Variants in LARP4 observed in about 807,000 individuals in gnomAD.
LARP4 encodes the protein La ribonucleoprotein 4.
LARP4 carries 29 observed loss-of-function variants against 92.9 expected under a neutral mutation model. That is an observed-to-expected ratio of 0.31 (90% CI 0.23 to 0.43). The LOEUF (loss-of-function observed/expected upper bound fraction) is 0.43. Among genes scored for constraint, LARP4 ranks in the 20% least tolerant of loss-of-function variants. LARP4 has a pLI of 1.00. For synonymous variants in LARP4, 279 were observed against 284.1 expected, an observed-to-expected ratio of 0.98 and a Z score of 0.18; for missense variants, 732 against 860.0, an observed-to-expected ratio of 0.85 and a Z score of 1.86.
chr12:50,426,684 GGTGTGTGTGTGTGTGT>G (rs762987529), intron 1 of LARP4, among the ~76,000 whole-genome samples: 44 of 86,170 alleles, frequency 5.1e-4, no homozygotes, highest in Middle Eastern at 8.9e-3. Context: ...TTATGTTTGG[GGTGTGTGTGTGTGTGT>G]GTGTGTGTGT....
At chr12:50,439,580 T>C (rs1195334238) in intron 6 of LARP4, among the ~76,000 whole-genome samples, 1 of 152,092 alleles carries the variant, frequency 6.6e-6, no homozygotes, top group Non-Finnish European at 1.5e-5. Flanking sequence ...TTTTCACTTT[T>C]TTTTGGTAAA....
At chr12:50,433,998 G>C (rs1436207165) in intron 4 of LARP4, among the ~76,000 whole-genome samples, 1 of 152,122 alleles carries the variant, frequency 6.6e-6, no homozygotes, top group African/African-American at 2.4e-5. Flanking sequence ...CCAGGCACTA[G>C]GCAGTTGAAA....
chr12:50,473,635 G>A lies in LARP4; in HGVS notation c.1667+99G>A, dbSNP rs537433402. ...AATCCCAGCACTTTGGGAGGCCGAG[G>A]CAGGTGAATCACCTGAGGTCGGGAG... On this transcript the variant is annotated intron_variant, in intron 14 of 15. Transcript: ENST00000398473. 1.7e-5 allele frequency: 22 copies of A among 1,282,456 alleles called. No homozygotes were observed. In the Admixed American group the frequency reaches 4.4e-4, roughly 25 times the overall value. The allele number at this position is 1,282,456 out of a possible 1,614,324, so 79.4% of individuals were successfully genotyped here.
chr12:50,408,792 G>T (rs1945313341), intron 1 of LARP4, among the ~76,000 whole-genome samples: 1 of 152,088 alleles, frequency 6.6e-6, no homozygotes, highest in Non-Finnish European at 1.5e-5. Flanking sequence ...TTTCTTTCCT[G>T]CTATACTAAC....
chr12:50,403,746 A>G (rs1244773419), intron 1 of LARP4, among the ~76,000 whole-genome samples: 2 of 152,122 alleles, frequency 1.3e-5, no homozygotes, highest in Non-Finnish European at 2.9e-5. Flanking sequence ...TTCTGGAGAG[A>G]TTCCAGCTTA....
intron 8 of LARP4, among the ~76,000 whole-genome samples, chr12:50,446,459 G>T (rs78106846): frequency 9.7e-6 from 1 of 102,702 alleles, no homozygotes; most frequent in Admixed American, 1.2e-4. Flanking sequence ...ACGGAGTCTC[G>T]CTCTGTTATC....
At chr12:50,458,232 C>A (rs1343621408) in intron 10 of LARP4, among the ~76,000 whole-genome samples, 1 of 152,042 alleles carries the variant, frequency 6.6e-6, no homozygotes, top group Non-Finnish European at 1.5e-5. Flanking sequence ...AGCCACTGAG[C>A]CCACTGCGCC....
intron 8 of LARP4, among the ~76,000 whole-genome samples, chr12:50,447,865 C>T (rs57594106): frequency 1.3e-5 from 2 of 151,832 alleles, no homozygotes; most frequent in South Asian, 2.1e-4. Context: ...CACTCCCCCC[C>T]CATTTTTTTC....
intron 1 of LARP4, among the ~76,000 whole-genome samples, chr12:50,413,171 T>G (rs577886871): frequency 6.6e-6 from 1 of 150,924 alleles, no homozygotes; most frequent in African/African-American, 2.4e-5. Flanking sequence ...TGCAATGAGC[T>G]GAGATCATGC....
intron 4 of LARP4, 34 bp downstream of exon 4, chr12:50,430,604 G>A: frequency 2.3e-6 from 3 of 1,285,112 alleles, no homozygotes; most frequent in South Asian, 2.6e-5. Flanking sequence ...AATTTTATTA[G>A]TAGATGTAAA....
At position 50,476,056 on chromosome 12, in the gene LARP4, G is replaced by A; in HGVS notation, c.*192G>A. ...TCTCTAATGTGGTTTTTAAATGCTG[G>A]AGGATTCCAATCAATATAAATATAT... On this transcript the variant is annotated 3_prime_UTR_variant, in exon 16 of 16. Transcript: ENST00000398473. 4.5e-6 allele frequency: 2 copies of A among 440,192 alleles called. No individual in the cohort carries two copies. Among genetic ancestry groups the A allele is most frequent in the Non-Finnish European group, 8.3e-6 (2 of 241,858 alleles). The allele number at this position is 440,192 out of a possible 1,614,324, so 27.3% of individuals were successfully genotyped here.
intron 14 of LARP4, 45 bp from the exon 15 acceptor site, chr12:50,473,953 TC>T (rs748167106): frequency 6.5e-6 from 10 of 1,526,774 alleles, no homozygotes; most frequent in Middle Eastern, 4.8e-4. Flanking sequence ...GCTCAACTGT[TC>T]CTATATGCTA....
intron 11 of LARP4, 122 bp from the exon 12 acceptor site, chr12:50,462,460 G>A (rs1268454320): frequency 7.7e-6 from 5 of 645,876 alleles, no homozygotes; most frequent in Non-Finnish European, 1.3e-5. Context: ...CCTGGCGACA[G>A]AGCGAGACTC....
intron 15 of LARP4, 57 bp from the exon 16 acceptor site, chr12:50,475,469 A>G (rs1296385033): frequency 5.8e-6 from 8 of 1,380,874 alleles, no homozygotes; most frequent in Non-Finnish European, 7.9e-6. Context: ...TCATTTTTAT[A>G]CTTTATAATT....
At chr12:50,432,319 A>G (rs1310885068) in intron 4 of LARP4, among the ~76,000 whole-genome samples, 1 of 152,104 alleles carries the variant, frequency 6.6e-6, no homozygotes, top group Non-Finnish European at 1.5e-5. Context: ...TTAGGCAGAG[A>G]GTGATATGTT....
At position 50,467,052 on chromosome 12, in the gene LARP4, A is replaced by C. The variant is rs757755491; in HGVS notation, c.1477A>C (p.Arg493=). ...NFPPLPGSSS[R]MPGELVLENR... is the part of the protein sequence containing the mutation. ...TCCACCTTTACCTGGAAGTTCATCA[A>C]GAATGCCAGGTGAACTCGTTTTGGA... Residue 493 remains arginine (R), a synonymous_variant, in exon 13 of 16, where the codon AGA becomes CGA. Transcript: ENST00000398473. 1.9e-6 allele frequency: 3 copies of C among 1,613,726 alleles called. No individual in the cohort carries two copies. The highest frequency in any genetic ancestry group is 3.3e-5 in the Admixed American group (2 of 59,996).
Position 50,474,039 on chromosome 12 carries a change from G to C in LARP4, c.1708G>C (p.Val570Leu). The C allele has an allele frequency of 6.2e-7, 1 of 1,612,240 alleles. No individual in the cohort carries two copies. Among genetic ancestry groups the C allele is most frequent in the Non-Finnish European group, 8.5e-7 (1 of 1,179,966 alleles). Residue 570 changes from valine (V) to leucine (L), a missense_variant, in exon 15 of 16, where the codon GTT (valine) becomes CTT (leucine). Physicochemically the swap from Val to Leu is conservative, Grantham distance 32 (BLOSUM62 1). Coordinates refer to ENST00000398473, the MANE Select transcript of LARP4 (RefSeq NM_052879.5). ...AAAGGATCTAATAGAAGATTCCTCT[G>C]TTCAGAAGGATGGTCTCAATCAGAC... is the stretch of plus-strand genomic sequence containing the variant. ...QEKDLIEDSSVQKDGLNQTTI... is the reference protein window; with the variant it reads ...QEKDLIEDSSLQKDGLNQTTI...
rs1273560799 is a variant in LARP4 at position 50,479,775 on chromosome 12, C to G, written c.*3911C>G. On this transcript the variant is annotated 3_prime_UTR_variant, in exon 16 of 16. Coordinates refer to ENST00000398473, the MANE Select transcript of LARP4 (RefSeq NM_052879.5). The stretch of plus-strand genomic sequence containing the variant: ...AACCTAATTCAGGTGTCCTTTGCAT[C>G]TCTTAAATGTTGGGGGTGGGGGTCA... 1 of 152,028 alleles carries G rather than the reference C, an allele frequency of 6.6e-6. No individual in the cohort carries two copies. The highest frequency in any genetic ancestry group is 1.5e-5 in the Non-Finnish European group (1 of 68,014). 9.4% of individuals were successfully genotyped at this position (152,028 alleles called of 1,614,324 possible).
At chr12:50,407,459 A>T (rs543917162) in intron 1 of LARP4, among the ~76,000 whole-genome samples, 1 of 152,280 alleles carries the variant, frequency 6.6e-6, no homozygotes, top group African/African-American at 2.4e-5. Flanking sequence ...TTTTTTTTAT[A>T]GTTGGAGAGT....
Sources: allele counts gnomAD v4.1 joint callset (sites outside exome capture counted in the v4.1 genomes callset), GRCh38; gene constraint gnomAD v4.1.1; transcripts MANE v1.5; gene names NCBI Gene and HGNC (gene_info 2026-07-23, HGNC 2026-07-21).